SCAPER: variants seen among roughly 807,000 people sequenced by gnomAD.
SCAPER encodes S-phase cyclin A associated protein in the ER, also known as S phase cyclin A-associated protein in the endoplasmic reticulum.
A neutral mutation model predicts 182.2 loss-of-function variants in SCAPER; 98 were observed. The ratio of observed to expected loss-of-function variants is 0.54; its 90% confidence interval spans 0.46 to 0.64. The LOEUF (loss-of-function observed/expected upper bound fraction) is 0.64. Ranked by LOEUF, SCAPER falls within the 30% of genes least tolerant of loss-of-function variation. The pLI is 0.00. For synonymous variants in SCAPER, 605 were observed against 564.6 expected (o/e 1.07, Z -1.01); for missense variants, 1,432 against 1,690.0 (o/e 0.85, Z 2.68).
intron 5 of SCAPER, among the ~76,000 whole-genome samples, chr15:76,835,779 A>G (rs190749857): frequency 4.6e-5 from 7 of 152,248 alleles, no homozygotes; most frequent in South Asian, 2.1e-4. Flanking sequence ...ATGATTCTAT[A>G]CCTAGAAAAC....
chr15:76,684,232 G>T (rs897606613), intron 20 of SCAPER, among the ~76,000 whole-genome samples: 1 of 151,964 alleles, frequency 6.6e-6, no homozygotes, highest in Non-Finnish European at 1.5e-5. Context: ...AACTCTGAAT[G>T]GTATAAATGT....
rs1318260462 is a variant in SCAPER, at chr15:76,667,652, A to C, written c.2509-1863T>G. On this transcript the variant is annotated intron_variant, in intron 20 of 31. Coordinates refer to ENST00000563290, the MANE Select transcript of SCAPER (RefSeq NM_020843.4). ...AAAAAAAAAAAAAAAAAAAAAAAAA[A>C]AAAAAAAAAACGCTCCTCAGCCAGA... 7.0e-5 allele frequency among the ~76,000 whole-genome samples: 8 copies of C among 114,588 alleles called. No individual in the cohort carries two copies. The East Asian group carries it at 8.5e-4, about 12-fold the overall frequency. The allele number at this position is 114,588 out of a possible 152,430, so 75.2% of individuals were successfully genotyped here.
At chr15:76,416,709 T>A in intron 26 of SCAPER, among the ~76,000 whole-genome samples, 2 of 152,068 alleles carry the variant, frequency 1.3e-5, no homozygotes, top group Middle Eastern at 6.8e-3. Context: ...ATCAATTGTA[T>A]GAAAATAGAA....
At chr15:76,848,279 C>T (rs1025080890) in intron 4 of SCAPER, among the ~76,000 whole-genome samples, 10 of 150,780 alleles carry the variant, frequency 6.6e-5, no homozygotes, top group Non-Finnish European at 1.0e-4. Context: ...GGATTACAGG[C>T]GTGAGCCACC....
In SCAPER at chr15:76,753,913, T is replaced by G; in HGVS notation, c.1761A>C (p.Leu587=). Residue 587 remains leucine, a synonymous_variant, in exon 15 of 32, where the codon CTA becomes CTC. Transcript: ENST00000563290. ...CTTCCATCATCCTGCGTCGTTGATC[T>G]AGCAATTCTTCCTTCCACTTCCGGA... The part of the protein sequence containing the change: ...KDVRKWKEEL[L]DQRRRMMEEK... 6.2e-7 allele frequency: 1 copy of G among 1,613,066 alleles called. No individual in the cohort carries two copies. Among genetic ancestry groups the G allele is most frequent in the Admixed American group, 1.7e-5 (1 of 60,006 alleles).
chr15:76,792,046 C>A (rs114644159), intron 8 of SCAPER, among the ~76,000 whole-genome samples: 2,028 of 147,076 alleles, frequency 0.014, 36 homozygotes, highest in African/African-American at 0.044. Context: ...AAAAAAAAAA[C>A]CAATAATTTT....
chr15:76,679,144 A>T (rs535645340), intron 20 of SCAPER, among the ~76,000 whole-genome samples: 1 of 152,330 alleles, frequency 6.6e-6, no homozygotes, highest in South Asian at 2.1e-4. Context: ...TTCAAAAATG[A>T]AGACAACAAT....
chr15:76,619,874 T>C (rs1267896587), intron 22 of SCAPER, among the ~76,000 whole-genome samples: 1 of 152,114 alleles, frequency 6.6e-6, no homozygotes, highest in African/African-American at 2.4e-5. Context: ...GCGCAGGAGT[T>C]CGAGACCAGC....
intron 24 of SCAPER, among the ~76,000 whole-genome samples, chr15:76,502,641 C>T (rs1416717904): frequency 1.3e-5 from 2 of 152,114 alleles, no homozygotes; most frequent in Non-Finnish European, 2.9e-5. Flanking sequence ...TTAATGGGTG[C>T]AGCACACCAA....
At chr15:76,884,751 AAAC>A (rs2073752613) in intron 1 of SCAPER, among the ~76,000 whole-genome samples, 1 of 152,230 alleles carries the variant, frequency 6.6e-6, no homozygotes, top group South Asian at 2.1e-4. Flanking sequence ...TAAAAAGTAG[AAAC>A]AACCCAAATA....
At chr15:76,842,261 T>C (rs920220285) in intron 4 of SCAPER, among the ~76,000 whole-genome samples, 1 of 152,216 alleles carries the variant, frequency 6.6e-6, no homozygotes, top group Admixed American at 6.5e-5. Flanking sequence ...GGGAGATTGA[T>C]ATGGTTAGGC....
chr15:76,738,118 G>C (rs1015819992), intron 15 of SCAPER, among the ~76,000 whole-genome samples: 24 of 152,162 alleles, frequency 1.6e-4, no homozygotes, highest in African/African-American at 5.8e-4. Context: ...AAGAGGCCTA[G>C]CTTTCAGTTT....
intron 15 of SCAPER, 53 bp downstream of exon 15, chr15:76,753,755 T>A: frequency 6.4e-7 from 1 of 1,563,930 alleles, no homozygotes; most frequent in Non-Finnish European, 8.7e-7. Context: ...TATATAACAA[T>A]TCAAAAAAGT....
intron 17 of SCAPER, among the ~76,000 whole-genome samples, chr15:76,719,229 T>C (rs2060060230): frequency 6.6e-6 from 1 of 152,168 alleles, no homozygotes; most frequent in Non-Finnish European, 1.5e-5. Context: ...GACATTGTCA[T>C]TTGCCACAAT....
intron 29 of SCAPER, among the ~76,000 whole-genome samples, chr15:76,357,188 A>ACACACACACACACACCCC (rs774672151): frequency 6.7e-6 from 1 of 149,072 alleles, no homozygotes; most frequent in African/African-American, 2.5e-5. Context: ...ACACACACAC[A>ACACACACACACACACCCC]CCCCTATGGC....
At chr15:76,661,887 T>C (rs137935000) in intron 21 of SCAPER, among the ~76,000 whole-genome samples, 1 of 152,322 alleles carries the variant, frequency 6.6e-6, no homozygotes, top group East Asian at 1.9e-4. Flanking sequence ...GACACTTATG[T>C]TTGTTGCAGC....
chr15:76,896,347 G>T (rs1288016793), intron 1 of SCAPER, among the ~76,000 whole-genome samples: 1 of 151,988 alleles, frequency 6.6e-6, no homozygotes, highest in Non-Finnish European at 1.5e-5. Flanking sequence ...CTCCAGACTG[G>T]GTGACAGAAT....
chr15:76,599,971 T>C (rs2049791247), intron 22 of SCAPER, among the ~76,000 whole-genome samples: 1 of 121,730 alleles, frequency 8.2e-6, no homozygotes, highest in African/African-American at 2.5e-5. Flanking sequence ...ATAACATGCA[T>C]GTTGAAATAC....
chr15:76,872,832 AAAAC>A (rs774138509), intron 2 of SCAPER, among the ~76,000 whole-genome samples: 1 of 152,072 alleles, frequency 6.6e-6, no homozygotes, highest in Non-Finnish European at 1.5e-5. Flanking sequence ...AAAGATATGA[AAAAC>A]AAAGTGTATC....
Sources: gnomAD v4.1 joint callset for allele counts (sites outside exome capture counted in the v4.1 genomes callset) on GRCh38, gnomAD v4.1.1 for gene constraint, MANE v1.5 for transcripts, NCBI Gene and HGNC (gene_info 2026-07-23, HGNC 2026-07-21) for gene names.